Variants in PDXK observed in about 807,000 individuals in gnomAD.
PDXK encodes pyridoxal kinase, also known as epididymis secretory sperm binding protein Li 1a.
A neutral mutation model predicts 43.2 loss-of-function variants in PDXK; 15 were observed. The ratio of observed to expected loss-of-function variants is 0.35; its 90% CI spans 0.23 to 0.53. PDXK has a LOEUF of 0.53. PDXK is among the 20% of genes least tolerant of loss of function. The pLI, the probability that PDXK is intolerant of heterozygous loss-of-function variation, is 0.92. For missense variants in PDXK, 343 were observed against 417.0 expected (o/e 0.82, Z 1.54); for synonymous variants, 172 against 165.4 (o/e 1.04, Z -0.31).
chr21:43,725,820 AAAAAG>A (rs963363875), intron 1 of PDXK, among the ~76,000 whole-genome samples: 2 of 152,154 alleles, frequency 1.3e-5, no homozygotes, highest in Non-Finnish European at 2.9e-5. Flanking sequence ...AAAACAAAAA[AAAAAG>A]AAAAGGAAAG....
At chr21:43,733,823 C>A (rs1034415454) in intron 1 of PDXK, 23 of 705,532 alleles carry the variant, frequency 3.3e-5, no homozygotes, top group Non-Finnish European at 5.2e-5. Flanking sequence ...GCGATGCCCT[C>A]CCGGGCTGGT....
At chr21:43,741,848 A>G (rs1426221885) in intron 3 of PDXK, 77 bp downstream of exon 3, 5 of 933,326 alleles carry the variant, frequency 5.4e-6, no homozygotes, top group Non-Finnish European at 8.5e-6. Flanking sequence ...GGTCCAGAGC[A>G]CCCCCGCCCT....
At chr21:43,730,125 ATTGATTTGGT>A (rs2083299023) in intron 1 of PDXK, among the ~76,000 whole-genome samples, 1 of 149,920 alleles carries the variant, frequency 6.7e-6, no homozygotes, top group Non-Finnish European at 1.5e-5. Flanking sequence ...TGATTGATTG[ATTGATTTGGT>A]TTGATTTGAA....
At chr21:43,752,423 G>T in intron 7 of PDXK, 95 bp from the exon 8 acceptor site, 1 of 814,726 alleles carries the variant, frequency 1.2e-6, no homozygotes, top group South Asian at 1.5e-5. Context: ...GATGCTCCCC[G>T]TGCCACTGCC....
chr21:43,726,452 A>G (rs2083254833), intron 1 of PDXK, among the ~76,000 whole-genome samples: 2 of 151,610 alleles, frequency 1.3e-5, no homozygotes, highest in Non-Finnish European at 2.9e-5. Flanking sequence ...ATTTTTCTGT[A>G]TTTTTAGTAG....
intron 1 of PDXK, among the ~76,000 whole-genome samples, chr21:43,728,333 T>G (rs2083274776): frequency 6.6e-6 from 1 of 152,190 alleles, no homozygotes; most frequent in Non-Finnish European, 1.5e-5. Context: ...CCTGTCCTCT[T>G]TCCTCATTCT....
Position 43,743,737 on chromosome 21 carries a change from C to G in PDXK, c.261C>G (p.Asp87Glu). Residue 87 changes from aspartate (D) to glutamate (E), a missense_variant, in exon 4 of 11, where the codon GAC (aspartate) becomes GAG (glutamate). Coordinates refer to ENST00000291565, the MANE Select transcript of PDXK (RefSeq NM_003681.5). ...CTCCCCCTAAAGGTTATACGAGGGA[C>G]AAGTCGTTCCTGGCCATGGTGGTGG... ...YDYVLTGYTR[D>E]KSFLAMVVDI... The G allele has an allele frequency of 3.1e-6, 5 of 1,612,970 alleles. No individual in the cohort carries two copies. The highest frequency in any genetic ancestry group is 3.4e-6 in the Non-Finnish European group (4 of 1,179,070).
At position 43,732,329 on chromosome 21, in the gene PDXK, C is replaced by T. The variant is rs372455162; in HGVS notation, c.88-1740C>T. The T allele has an allele frequency of 2.6e-5, 42 of 1,605,566 alleles. No homozygotes were observed. The highest frequency in any genetic ancestry group is 2.3e-4 in the South Asian group (21 of 90,488). ...TCCTGGACCTTGGCACCCCGCCCCCCGTGCATTGTCGTCTTCTGAGTCTGG... is the reference window on the plus strand; with the variant it reads ...TCCTGGACCTTGGCACCCCGCCCCCTGTGCATTGTCGTCTTCTGAGTCTGG... On this transcript the variant is annotated intron_variant, in intron 1 of 10. Coordinates refer to ENST00000291565, the MANE Select transcript of PDXK (RefSeq NM_003681.5). The surrounding 1 kb of genome is among the most constrained non-coding windows in gnomAD (Gnocchi z 4.1).
At chr21:43,722,514 G>A (rs1031224494) in intron 1 of PDXK, among the ~76,000 whole-genome samples, 1 of 152,156 alleles carries the variant, frequency 6.6e-6, no homozygotes, top group Non-Finnish European at 1.5e-5. Flanking sequence ...GAGTTTGCCC[G>A]GACTGCCAAA....
chr21:43,755,867 CCTG>C (rs1278244501), intron 10 of PDXK, 81 bp from the exon 11 acceptor site: 9 of 1,430,498 alleles, frequency 6.3e-6, no homozygotes, highest in Middle Eastern at 1.9e-4. Context: ...ATCGGTGTCT[CCTG>C]CTGACCTCAC....
intron 1 of PDXK, chr21:43,720,024 C>G (rs1039361345): frequency 4.2e-6 from 3 of 709,730 alleles, no homozygotes; most frequent in Non-Finnish European, 5.2e-6. Context: ...TTTGCTCTGA[C>G]GAGGAGAAGC....
In PDXK at chr21:43,737,810, C is replaced by T. The variant is rs1360549477; in HGVS notation, c.142+3687C>T. 39 of 985,366 alleles carry T rather than the reference C, an allele frequency of 4.0e-5. No individual in the cohort carries two copies. The highest frequency in any genetic ancestry group is 4.6e-5 in the Non-Finnish European group (38 of 829,948). 61.0% of individuals were successfully genotyped at this position (985,366 alleles called of 1,614,324 possible). On this transcript the variant is annotated intron_variant, in intron 2 of 10. Coordinates refer to ENST00000291565, the MANE Select transcript of PDXK (RefSeq NM_003681.5). This position sits in a 1 kb window ranked among gnomAD's most constrained non-coding sequence, Gnocchi z 4.8. ...GGAGTGCCAGGCTCCTTGGGCCGCC[C>T]GAGGAACCGCTTGTTTGCCTGTGCT...
At chr21:43,722,588 A>G (rs766981033) in intron 1 of PDXK, among the ~76,000 whole-genome samples, 4 of 152,084 alleles carry the variant, frequency 2.6e-5, no homozygotes, top group Non-Finnish European at 4.4e-5. Context: ...TCTGGGGGCC[A>G]GAAGTCTGAG....
chr21:43,728,252 G>A (rs2083273614), intron 1 of PDXK, among the ~76,000 whole-genome samples: 7 of 152,172 alleles, frequency 4.6e-5, no homozygotes, highest in Admixed American at 4.6e-4. Flanking sequence ...GCTGACCAGT[G>A]GCAGGCGGTG....
rs369176591 is a variant in PDXK at position 43,741,564 on chromosome 21, G to T, written c.143-103G>T. 3.9e-6 allele frequency: 6 copies of T among 1,542,202 alleles called. No individual in the cohort carries two copies. In the African/African-American group the frequency reaches 4.1e-5, roughly 11 times the overall value. Reference sequence around the variant, plus strand: ...TTGAGCCAGTCCATGGGGAGGAGCCGTCCACCAGGCAGCCTCAGGGAGAGT... The same window carrying T: ...TTGAGCCAGTCCATGGGGAGGAGCCTTCCACCAGGCAGCCTCAGGGAGAGT... On this transcript the variant is annotated intron_variant, in intron 2 of 10. Coordinates refer to ENST00000291565, the MANE Select transcript of PDXK (RefSeq NM_003681.5).
chr21:43,731,677 C>T (rs1428426884), intron 1 of PDXK, among the ~76,000 whole-genome samples: 3 of 148,734 alleles, frequency 2.0e-5, no homozygotes, highest in Middle Eastern at 3.4e-3. Flanking sequence ...GCCCAGCAGC[C>T]CGCTGGGCTG....
At chr21:43,741,614 G>A (rs373575736) in intron 2 of PDXK, 53 bp from the exon 3 acceptor site, 19 of 1,588,842 alleles carry the variant, frequency 1.2e-5, no homozygotes, top group Middle Eastern at 3.5e-4. Context: ...GGAAGCCCAC[G>A]GCCCCAGCTG....
intron 1 of PDXK, among the ~76,000 whole-genome samples, chr21:43,731,239 G>T (rs918260645): frequency 6.6e-6 from 1 of 152,194 alleles, no homozygotes; most frequent in Non-Finnish European, 1.5e-5. Context: ...AACAGTCGTT[G>T]AGTCCTTCTT....
intron 1 of PDXK, chr21:43,720,024 C>A: frequency 1.4e-6 from 1 of 709,838 alleles, no homozygotes; most frequent in Non-Finnish European, 1.7e-6. Context: ...TTTGCTCTGA[C>A]GAGGAGAAGC....
Sources: allele counts gnomAD v4.1 joint callset (sites outside exome capture counted in the v4.1 genomes callset), GRCh38; gene constraint gnomAD v4.1.1; non-coding constraint Gnocchi (gnomAD v3.1); transcripts MANE v1.5; gene names NCBI Gene and HGNC (gene_info 2026-07-23, HGNC 2026-07-21).